Variants in CENPK observed in about 807,000 individuals in gnomAD.
CENPK encodes SoxLZ/Sox6-binding protein Solt.
In CENPK, 46 loss-of-function variants were observed where a neutral mutation model predicts 40.9. The observed-to-expected ratio is 1.13, with a 90% confidence interval of 0.89 to 1.44. The LOEUF is 1.44. Among genes scored for constraint, CENPK ranks in the 40% most tolerant of loss-of-function variants. The pLI is 0.00. For synonymous variants in CENPK, 107 were observed against 104.4 expected (o/e 1.02, Z -0.15); for missense variants, 288 against 303.5 (o/e 0.95, Z 0.38).
chr5:65,519,235 T>C (rs1209392897), intron 10 of CENPK, among the ~76,000 whole-genome samples: 1 of 152,226 alleles, frequency 6.6e-6, no homozygotes, highest in Non-Finnish European at 1.5e-5. Context: ...CTCCTAAAGA[T>C]GTTCTTAGTT....
intron 6 of CENPK, among the ~76,000 whole-genome samples, chr5:65,529,944 A>C (rs1326130686): frequency 6.6e-6 from 1 of 151,972 alleles, no homozygotes; most frequent in Non-Finnish European, 1.5e-5. Flanking sequence ...AGCTGGGAAT[A>C]CAGGCACGTG....
At chr5:65,561,157 A>G in intron 2 of CENPK, 1 of 175,264 alleles carries the variant, frequency 5.7e-6, no homozygotes, top group Non-Finnish European at 1.2e-5. Context: ...GCTATTAACA[A>G]TTTGAATGTC....
intron 10 of CENPK, among the ~76,000 whole-genome samples, chr5:65,520,898 A>C (rs1203860446): frequency 1.3e-5 from 2 of 152,310 alleles, no homozygotes; most frequent in East Asian, 1.9e-4. Flanking sequence ...TGTAACTGAT[A>C]ATATGGTTGA....
chr5:65,554,804 A>C lies in CENPK; in HGVS notation c.104T>G (p.Met35Arg). 6.6e-7 allele frequency: 1 copy of C among 1,526,022 alleles called. No homozygotes were observed. The highest frequency in any genetic ancestry group is 2.3e-5 in the East Asian group (1 of 44,354). The allele number at this position is 1,526,022 out of a possible 1,614,324, so 94.5% of individuals were successfully genotyped here. Residue 35 changes from methionine to arginine, a missense_variant, in exon 3 of 11, where the codon ATG becomes AGG. By Grantham distance (91) the Met-to-Arg change is moderately conservative (BLOSUM62 -1). Transcript: ENST00000396679. ...IRECEEMWKDMEECQNKLSLI... is the reference protein window; with the variant it reads ...IRECEEMWKDREECQNKLSLI... ...CTATCTTTTGAAACTTACTTCTTCC[A>C]TATCTTTCCACATTTCTTCACATTC...
chr5:65,529,418 A>G, intron 6 of CENPK: 1 of 428,972 alleles, frequency 2.3e-6, no homozygotes, highest in Admixed American at 4.1e-5. Flanking sequence ...TTTGAGCAGT[A>G]AATTTTAATA....
intron 9 of CENPK, among the ~76,000 whole-genome samples, chr5:65,527,535 ATATATATATATATATATATG>A (rs1332656357): frequency 8.1e-5 from 6 of 73,908 alleles, no homozygotes; most frequent in African/African-American, 2.2e-4. Flanking sequence ...ATATATATAT[ATATATATATATATATATATG>A]AACTGTTCAC....
the CENPK span, among the ~76,000 whole-genome samples, chr5:65,498,634 CTT>C: frequency 1.8e-4 from 24 of 132,734 alleles, no homozygotes; most frequent in South Asian, 2.4e-4. Context: ...TTTCTTTTTT[CTT>C]TTTTTTTTTT....
At chr5:65,540,898 C>T (rs2150441087) in intron 6 of CENPK, among the ~76,000 whole-genome samples, 1 of 151,968 alleles carries the variant, frequency 6.6e-6, no homozygotes, top group African/African-American at 2.4e-5. Flanking sequence ...GCCTCAACCT[C>T]CCAGGCTCAA....
At chr5:65,515,591 G>C (rs1742803009), downstream of CENPK, among the ~76,000 whole-genome samples, 1 of 152,172 alleles carries the variant, frequency 6.6e-6, no homozygotes, top group Non-Finnish European at 1.5e-5. Flanking sequence ...GTGTTTAGAA[G>C]TGTGTTCCTT....
downstream of CENPK, among the ~76,000 whole-genome samples, chr5:65,515,180 C>T (rs1330726066): frequency 6.7e-6 from 1 of 150,200 alleles, no homozygotes; most frequent in Non-Finnish European, 1.5e-5. Flanking sequence ...CCTCTAGCCA[C>T]TGCTTTTGCT....
At position 65,524,172 on chromosome 5, in the gene CENPK, G is replaced by A. The variant is rs1413900587; in HGVS notation, c.598-2644C>T. On this transcript the variant is annotated intron_variant, in intron 9 of 10. Coordinates refer to ENST00000396679, the MANE Select transcript of CENPK (RefSeq NM_022145.5). ...GGGCAGATCACCAGCTCAGGAGATC[G>A]AGACCATCCTGGCTTACACGGTGAA... Among the ~76,000 whole-genome samples, 10 of 151,138 alleles carry A rather than the reference G, an allele frequency of 6.6e-5. No individual in the cohort carries two copies. The South Asian group carries it at 8.3e-4, about 13-fold the overall frequency.
the CENPK span, among the ~76,000 whole-genome samples, chr5:65,502,060 C>A: frequency 6.6e-6 from 1 of 152,324 alleles, no homozygotes; most frequent in Admixed American, 6.5e-5. Flanking sequence ...AGGGGCAGGA[C>A]ACCATGTTAT....
chr5:65,506,871 T>C, the CENPK span, among the ~76,000 whole-genome samples: 1 of 152,196 alleles, frequency 6.6e-6, no homozygotes, highest in African/African-American at 2.4e-5. Context: ...CACTATTCTA[T>C]AAAACTAATT....
chr5:65,534,589 G>A (rs1043324732), intron 6 of CENPK, among the ~76,000 whole-genome samples: 1 of 152,028 alleles, frequency 6.6e-6, no homozygotes, highest in Non-Finnish European at 1.5e-5. Context: ...CATATACATG[G>A]TCATTAATTT....
intron 2 of CENPK, among the ~76,000 whole-genome samples, chr5:65,558,118 C>T (rs1463091102): frequency 1.3e-5 from 2 of 151,926 alleles, no homozygotes; most frequent in Non-Finnish European, 2.9e-5. Flanking sequence ...TAAGACCATA[C>T]CAAAAACAAA....
At chr5:65,561,978 G>A (rs1304992060) in intron 1 of CENPK, among the ~76,000 whole-genome samples, 1 of 152,096 alleles carries the variant, frequency 6.6e-6, no homozygotes, top group Non-Finnish European at 1.5e-5. Context: ...CAATATAAAT[G>A]AATGGATAAC....
Position 65,518,620 on chromosome 5 carries a change from CTAT to C in CENPK, c.662_664del (p.Asn221del), listed in dbSNP as rs774484343. ...TGGATCATGTGGAACATCAAATAAT[CTAT>C]TTATAAGAATCTAGGAGAAAATATC... On this transcript the variant is annotated inframe_deletion, in exon 11 of 11. Transcript: ENST00000396679. 5.1e-6 allele frequency: 8 copies of C among 1,581,704 alleles called. No individual in the cohort carries two copies. The highest frequency in any genetic ancestry group is 6.9e-6 in the Non-Finnish European group (8 of 1,155,870).
chr5:65,549,742 T>C lies in CENPK; in HGVS notation c.241+1822A>G, dbSNP rs943744530. On this transcript the variant is annotated intron_variant, in intron 5 of 10. Transcript: ENST00000396679. ...CTCATCTCTCTCAGCCTTTGTAGAA[T>C]TGAAAAGAGCTAGGGCTTTGTTGTG... 4.6e-5 allele frequency among the ~76,000 whole-genome samples: 7 copies of C among 152,172 alleles called. No individual in the cohort carries two copies. The South Asian group carries it at 6.2e-4, about 14-fold the overall frequency.
In CENPK at chr5:65,545,319, AGC is replaced by A. The variant is rs201498265; in HGVS notation, c.242-2473_242-2472del. Among the ~76,000 whole-genome samples the A allele has an allele frequency of 6.5e-3, 476 of 72,682 alleles. 12 individuals carry two copies. The highest frequency in any genetic ancestry group is 0.014 in the African/African-American group (224 of 15,970). 47.7% of individuals were successfully genotyped at this position (72,682 alleles called of 152,430 possible). ...CTGAAGACAAAGAAAAAGTCCTCAAAGCGCGCACACACACACACACACACACA... is the reference window on the plus strand; with the variant it reads ...CTGAAGACAAAGAAAAAGTCCTCAAAGCGCACACACACACACACACACACA... On this transcript the variant is annotated intron_variant, in intron 5 of 10. Coordinates refer to ENST00000396679, the MANE Select transcript of CENPK (RefSeq NM_022145.5).
Sources: gnomAD v4.1 joint callset for allele counts (sites outside exome capture counted in the v4.1 genomes callset) on GRCh38, gnomAD v4.1.1 for gene constraint, MANE v1.5 for transcripts, NCBI Gene and HGNC (gene_info 2026-07-23, HGNC 2026-07-21) for gene names.